SLAIN1: variants seen among roughly 807,000 people sequenced by gnomAD.
The protein encoded by SLAIN1 is SLAIN family member 1.
A neutral mutation model predicts 55.4 loss-of-function variants in SLAIN1; 17 were observed. That is an observed-to-expected ratio of 0.31 (90% CI 0.21 to 0.46). The LOEUF is 0.46. SLAIN1 is among the 20% of genes least tolerant of loss of function. The pLI, the probability that SLAIN1 is intolerant of heterozygous loss-of-function variation, is 1.00. For missense variants in SLAIN1, 682 were observed against 785.1 expected (o/e 0.87, Z 1.57); for synonymous variants, 348 against 337.4 (o/e 1.03, Z -0.35).
At chr13:77,753,175 T>G (rs1466325175) in intron 4 of SLAIN1, 28 bp from the exon 5 acceptor site, 2 of 1,564,380 alleles carry the variant, frequency 1.3e-6, no homozygotes, top group Admixed American at 3.9e-5. Flanking sequence ...ACATCTGTCA[T>G]TTTTAACTTA....
At position 77,761,030 on chromosome 13, in the gene SLAIN1, T is replaced by C. The variant is rs766059932; in HGVS notation, c.1617T>C (p.Gly539=). 3.7e-6 allele frequency: 6 copies of C among 1,614,086 alleles called. No homozygotes were observed. Among genetic ancestry groups the C allele is most frequent in the Non-Finnish European group, 5.1e-6 (6 of 1,180,038 alleles). ...PNKAAASGIM[G]RSALPRPSLA... ...AAGCTGCAGCTTCTGGGATAATGGG[T>C]CGCAGTGCACTCCCAAGACCTTCGT... The change falls in exon 6 of 7, where the codon GGT becomes GGC. Residue 539 remains glycine (G), a synonymous_variant. Coordinates refer to ENST00000418532, the MANE Select transcript of SLAIN1 (RefSeq NM_001242868.2).
At chr13:77,754,968 A>G (rs1226636694) in intron 5 of SLAIN1, among the ~76,000 whole-genome samples, 1 of 152,214 alleles carries the variant, frequency 6.6e-6, no homozygotes, top group African/African-American at 2.4e-5. Context: ...GGACACATAA[A>G]CAACCTATGA....
intron 4 of SLAIN1, among the ~76,000 whole-genome samples, chr13:77,749,254 A>T (rs1363785103): frequency 7.2e-5 from 11 of 152,202 alleles, no homozygotes; most frequent in Admixed American, 7.2e-4. Context: ...CACTGCCTAG[A>T]TTTAAAGAGA....
In SLAIN1 at chr13:77,697,798, C is replaced by T; in HGVS notation, c.-116C>T. On this transcript the variant is annotated 5_prime_UTR_variant, in exon 1 of 7. Transcript: ENST00000418532. ...ACCGCCGGCTCGGCCTCAGCCCGCG[C>T]GTGGTCGGCCCCCCAGGCCGGGGCG... is the stretch of plus-strand genomic sequence containing the variant. 9.2e-7 allele frequency: 1 copy of T among 1,090,512 alleles called. No homozygotes were observed. The highest frequency in any genetic ancestry group is 1.1e-6 in the Non-Finnish European group (1 of 879,134). 67.6% of individuals were successfully genotyped at this position (1,090,512 alleles called of 1,614,324 possible). A position where few individuals can be genotyped will look rare whatever the true frequency, so the allele number is the denominator to read the frequency against.
Position 77,760,844 on chromosome 13 carries a change from G to C in SLAIN1, c.1431G>C (p.Gln477His), listed in dbSNP as rs1163319917. 1 of 1,613,580 alleles carries C rather than the reference G, an allele frequency of 6.2e-7. No homozygotes were observed. The highest frequency in any genetic ancestry group is 1.3e-5 in the African/African-American group (1 of 74,912). The change falls in exon 6 of 7, where the codon CAG becomes CAC. Residue 477 changes from glutamine to histidine, a missense_variant. By Grantham distance (24) the Gln-to-His change is conservative. This residue lies in a region of SLAIN1 where 244 missense variants were observed against 295.2 expected (regional missense o/e 0.83). Transcript: ENST00000418532. ...RIQSCIPSPG[Q>H]LQHRVHSVGH... ...CTCTTCTAGTTCCATCACCGGGACA[G>C]CTTCAACACAGGGTCCACAGCGTGG...
intron 1 of SLAIN1, chr13:77,699,139 CTT>C (rs1566215351): frequency 1.4e-5 from 19 of 1,372,760 alleles, no homozygotes; most frequent in Non-Finnish European, 1.9e-5. Context: ...CAGAGACTGA[CTT>C]GCTTTTTAAA....
At chr13:77,756,754 A>T (rs1334410698) in intron 5 of SLAIN1, among the ~76,000 whole-genome samples, 1 of 152,160 alleles carries the variant, frequency 6.6e-6, no homozygotes, top group African/African-American at 2.4e-5. Context: ...AATCTCACAG[A>T]CAAAGTGTCG....
chr13:77,724,327 C>T lies in SLAIN1; in HGVS notation c.766+4656C>T, dbSNP rs569324775. ...TACCCTCTGTGGTACTTCGCACCTA[C>T]GATTCCAGAACCTTGCTAGGTCCTT... On this transcript the variant is annotated intron_variant, in intron 2 of 6. Transcript: ENST00000418532. Among the ~76,000 whole-genome samples the T allele has an allele frequency of 8.5e-4, 129 of 152,230 alleles. 3 individuals carry two copies. In the South Asian group the frequency reaches 0.019, roughly 22 times the overall value.
intron 4 of SLAIN1, among the ~76,000 whole-genome samples, 182 bp downstream of exon 4, chr13:77,747,037 C>T (rs1873881787): frequency 6.6e-6 from 1 of 152,146 alleles, no homozygotes; most frequent in African/African-American, 2.4e-5. Flanking sequence ...AACGATTCTC[C>T]TGCCTCAGCC....
At chr13:77,705,640 A>G (rs1416047659) in intron 1 of SLAIN1, among the ~76,000 whole-genome samples, 8 of 146,778 alleles carry the variant, frequency 5.5e-5, no homozygotes, top group Admixed American at 4.8e-4. Flanking sequence ...TAGGAGAAAT[A>G]CAGATTTTTT....
At chr13:77,717,545 G>A (rs901096161) in intron 1 of SLAIN1, among the ~76,000 whole-genome samples, 8 of 151,936 alleles carry the variant, frequency 5.3e-5, no homozygotes, top group African/African-American at 1.9e-4. Flanking sequence ...TGCGTTTCCT[G>A]TAGGAAGCAT....
chr13:77,746,884 T>TA, intron 4 of SLAIN1, 29 bp downstream of exon 4: 7 of 1,544,336 alleles, frequency 4.5e-6, no homozygotes, highest in Non-Finnish European at 6.2e-6. Context: ...TGGTATTTGA[T>TA]ATGCTTTAAT....
intron 3 of SLAIN1, chr13:77,744,661 C>G: frequency 1.5e-6 from 1 of 652,518 alleles, no homozygotes; most frequent in Non-Finnish European, 2.6e-6. Flanking sequence ...GGTATTGTCA[C>G]TGTGGAAACA....
At chr13:77,749,375 C>A (rs1176921275) in intron 4 of SLAIN1, among the ~76,000 whole-genome samples, 6 of 152,024 alleles carry the variant, frequency 3.9e-5, no homozygotes, top group African/African-American at 1.5e-4. Context: ...TCTTTACCAA[C>A]TTTTTTATAA....
At chr13:77,746,216 T>C (rs1404357054) in intron 3 of SLAIN1, among the ~76,000 whole-genome samples, 2 of 152,036 alleles carry the variant, frequency 1.3e-5, no homozygotes, top group Non-Finnish European at 2.9e-5. Context: ...AAATATCTCT[T>C]GATTTGAAAA....
intron 1 of SLAIN1, among the ~76,000 whole-genome samples, chr13:77,712,646 A>G (rs1413175280): frequency 6.6e-6 from 1 of 152,226 alleles, no homozygotes; most frequent in African/African-American, 2.4e-5. Flanking sequence ...AAAGTAATTT[A>G]TAGATTCAGT....
chr13:77,714,460 T>G (rs929031445), intron 1 of SLAIN1, among the ~76,000 whole-genome samples: 2 of 151,918 alleles, frequency 1.3e-5, no homozygotes, highest in African/African-American at 4.8e-5. Context: ...AAAAAACTTA[T>G]AAAATAGCTG....
At chr13:77,712,892 C>T (rs1405602102) in intron 1 of SLAIN1, among the ~76,000 whole-genome samples, 1 of 152,076 alleles carries the variant, frequency 6.6e-6, no homozygotes, top group Non-Finnish European at 1.5e-5. Flanking sequence ...ACAGAGGCCT[C>T]AGAAATAATG....
At position 77,753,279 on chromosome 13, in the gene SLAIN1, G is replaced by A. The variant is rs143791365; in HGVS notation, c.1335G>A (p.Pro445=). Residue 445 remains proline (P), a synonymous_variant, in exon 5 of 7, where the codon CCG becomes CCA. Transcript: ENST00000418532. ...CCATTAGTAGCAACATTAGTTCTCC[G>A]GTCACCGTGCGAAATAGTCAGAGTT... ...TTAISSNISS[P]VTVRNSQSFD... 801 of 1,612,968 alleles carry A rather than the reference G, an allele frequency of 5.0e-4. 2 individuals carry two copies. In the African/African-American group the frequency reaches 7.6e-3, roughly 15 times the overall value.
Sources: gnomAD v4.1 joint callset for allele counts (sites outside exome capture counted in the v4.1 genomes callset) on GRCh38, gnomAD v4.1.1 for gene constraint, gnomAD v4.1.1 regional missense constraint, MANE v1.5 for transcripts, NCBI Gene and HGNC (gene_info 2026-07-23, HGNC 2026-07-21) for gene names.